The following CD4 variants were observed in gnomAD, a reference collection of about 807,000 sequenced individuals.
CD4 encodes the protein T-cell surface glycoprotein CD4.
A neutral mutation model predicts 50.5 loss-of-function variants in CD4; 25 were observed. That is an observed-to-expected ratio of 0.49 (90% CI 0.36 to 0.69). The LOEUF (loss-of-function observed/expected upper bound fraction) is 0.69, where lower values mean the gene tolerates loss of function less well. Ranked by LOEUF, CD4 falls within the 30% of genes least tolerant of loss-of-function variation. CD4 has a pLI of 0.00. For synonymous variants in CD4, 207 were observed against 221.9 expected (o/e 0.93, Z 0.60); for missense variants, 456 against 548.5 (o/e 0.83, Z 1.68).
chr12:6,813,222 T>A lies in CD4; in HGVS notation c.215-920T>A, dbSNP rs953383422. Among the ~76,000 whole-genome samples, 528 of 112,134 alleles carry A rather than the reference T, an allele frequency of 4.7e-3. 3 individuals are homozygous for A. The highest frequency in any genetic ancestry group is 0.027 in the African/African-American group (493 of 18,116). 73.6% of individuals were successfully genotyped at this position (112,134 alleles called of 152,430 possible). On this transcript the variant is annotated intron_variant, in intron 3 of 9. Transcript: ENST00000011653. The stretch of plus-strand genomic sequence containing the variant: ...CCCAAGGCGGCTAATTAAAAAAAAT[T>A]TTTTTTTTTTTTTTTTTAGAGATGG...
chr12:6,819,340 C>T lies in CD4; in HGVS notation c.*11C>T. The T allele has an allele frequency of 1.2e-6, 2 of 1,613,906 alleles. No homozygotes were observed. The highest frequency in any genetic ancestry group is 1.7e-6 in the Non-Finnish European group (2 of 1,179,804). On this transcript the variant is annotated 3_prime_UTR_variant, in exon 10 of 10. Coordinates refer to ENST00000011653, the MANE Select transcript of CD4 (RefSeq NM_000616.5). Reference sequence around the variant, plus strand: ...TGTAGCCCCATTTGAGGCACGAGGCCAGGCAGATCCCACTTGCAGCCTCCC... The same window carrying T: ...TGTAGCCCCATTTGAGGCACGAGGCTAGGCAGATCCCACTTGCAGCCTCCC...
At chr12:6,807,197 T>G (rs1555116332) in intron 3 of CD4, among the ~76,000 whole-genome samples, 1 of 148,996 alleles carries the variant, frequency 6.7e-6, no homozygotes, top group African/African-American at 2.5e-5. Flanking sequence ...ACAAAAAACA[T>G]GCAACAATCC....
rs775115629 is a variant in CD4, at chr12:6,818,615, G to A, written c.1278+73G>A. The A allele has an allele frequency of 6.3e-6, 10 of 1,589,816 alleles. No homozygotes were observed. The highest frequency in any genetic ancestry group is 7.7e-6 in the Non-Finnish European group (9 of 1,164,172). On this transcript the variant is annotated intron_variant, in intron 8 of 9. Coordinates refer to ENST00000011653, the MANE Select transcript of CD4 (RefSeq NM_000616.5). This position sits in a 1 kb window ranked among gnomAD's most constrained non-coding sequence, Gnocchi z 5.0. Reference sequence around the variant, plus strand: ...TCCTCTACCAGGAGATCCTGTATATGGGAACTGATTTTGGCCCAGCTCCCT... The same window carrying A: ...TCCTCTACCAGGAGATCCTGTATATAGGAACTGATTTTGGCCCAGCTCCCT...
chr12:6,816,071 C>T lies in CD4; in HGVS notation c.623C>T (p.Ser208Phe). The T allele has an allele frequency of 6.2e-7, 1 of 1,614,086 alleles. No individual in the cohort carries two copies. Among genetic ancestry groups the T allele is most frequent in the Non-Finnish European group, 8.5e-7 (1 of 1,180,006 alleles). The change falls in exon 6 of 10, where the codon TCC (serine) becomes TTC (phenylalanine). Residue 208 changes from serine (S) to phenylalanine (F), a missense_variant. Transcript: ENST00000011653. This position sits in a 1 kb window ranked among gnomAD's most constrained non-coding sequence, Gnocchi z 4.9. Reference sequence around the variant, plus strand: ...CCACCTCCAGCTTTCCAGAAGGCCTCCAGCATAGTCTATAAGAAAGAGGGG... The same window carrying T: ...CCACCTCCAGCTTTCCAGAAGGCCTTCAGCATAGTCTATAAGAAAGAGGGG... ...DIVVLAFQKA[S>F]SIVYKKEGEQ...
Position 6,797,643 on chromosome 12 carries a change from G to C in CD4, c.-67-2429G>C, listed in dbSNP as rs58392651. Among the ~76,000 whole-genome samples the C allele has an allele frequency of 6.5e-3, 994 of 152,232 alleles. 6 individuals are homozygous for C. Among genetic ancestry groups the C allele is most frequent in the African/African-American group, 0.022 (911 of 41,524 alleles). On this transcript the variant is annotated intron_variant, in intron 1 of 9. Coordinates refer to ENST00000011653, the MANE Select transcript of CD4 (RefSeq NM_000616.5). ...TGGGGCTATAGGGTGAAGGTGAGGA[G>C]AGGGTCAGCAGAAAAACATATGAGC...
rs200636893 is a variant in CD4, at chr12:6,819,661, T to A, written c.*332T>A. The A allele has an allele frequency of 2.0e-5, 7 of 354,850 alleles. No individual in the cohort carries two copies. The highest frequency in any genetic ancestry group is 5.2e-6 in the Non-Finnish European group (1 of 191,834). The allele number at this position is 354,850 out of a possible 1,614,324, so 22.0% of individuals were successfully genotyped here. ...GGCCAGCCCTGGCTGGCATGGAGGG[T>A]GAGGCTGGGTGTCTGGAAGCATGGA... On this transcript the variant is annotated 3_prime_UTR_variant, in exon 10 of 10. Coordinates refer to ENST00000011653, the MANE Select transcript of CD4 (RefSeq NM_000616.5).
Position 6,819,515 on chromosome 12 carries a change from C to T in CD4, c.*186C>T, listed in dbSNP as rs201200230. On this transcript the variant is annotated 3_prime_UTR_variant, in exon 10 of 10. Transcript: ENST00000011653. ...CTGGTTGAGTGTTGCTCTCTAGTTTCCAGAGGCTTAATCACACCGTCCTCC... is the reference window on the plus strand; with the variant it reads ...CTGGTTGAGTGTTGCTCTCTAGTTTTCAGAGGCTTAATCACACCGTCCTCC... The T allele has an allele frequency of 3.2e-6, 2 of 626,752 alleles. No homozygotes were observed. Among genetic ancestry groups the T allele is most frequent in the Non-Finnish European group, 2.9e-6 (1 of 350,818 alleles). The allele number at this position is 626,752 out of a possible 1,614,324, so 38.8% of individuals were successfully genotyped here. A position where few individuals can be genotyped will look rare whatever the true frequency, so the allele number is the denominator to read the frequency against.
At chr12:6,797,244 C>T (rs1321829361) in intron 1 of CD4, among the ~76,000 whole-genome samples, 3 of 152,100 alleles carry the variant, frequency 2.0e-5, no homozygotes, top group African/African-American at 7.2e-5. Context: ...GCCCTGCCCC[C>T]ACCACCCCCA....
intron 3 of CD4, among the ~76,000 whole-genome samples, chr12:6,802,698 T>C (rs1176122057): frequency 2.0e-5 from 3 of 152,198 alleles, no homozygotes; most frequent in Non-Finnish European, 2.9e-5. Flanking sequence ...TTCCTACTCC[T>C]TCCTTAAGTT....
chr12:6,817,649 C>T lies in CD4; in HGVS notation c.1156+319C>T, dbSNP rs781803637. ...CTCCTGGCTTTTCTCCAAATCCAGA[C>T]GCACTTACACACACACTCACACACA... On this transcript the variant is annotated intron_variant, in intron 7 of 9. Transcript: ENST00000011653. Among the ~76,000 whole-genome samples the T allele has an allele frequency of 1.1e-4, 16 of 152,118 alleles. 1 individual carries two copies. The highest frequency in any genetic ancestry group is 2.9e-4 in the African/African-American group (12 of 41,486).
At chr12:6,814,501 T>C in intron 4 of CD4, 1 of 647,282 alleles carries the variant, frequency 1.5e-6, no homozygotes, top group Non-Finnish European at 2.7e-6. Context: ...GAAGAGGCCT[T>C]GGGAAAAGGA....
Position 6,816,419 on chromosome 12 carries a change from A to AGGG in CD4, c.955+17_955+19dup, listed in dbSNP as rs782127808. On this transcript the variant is annotated intron_variant, in intron 6 of 9. Transcript: ENST00000011653. This position sits in a 1 kb window ranked among gnomAD's most constrained non-coding sequence, Gnocchi z 4.9. ...GTGATGAGAGGTGAGGGGCCAGGCC[A>AGGG]GGGAGGGGTGGGCAGGGGAAGGAGT... 3.0e-6 allele frequency: 4 copies of AGGG among 1,339,940 alleles called. No homozygotes were observed. The Admixed American group carries it at 7.3e-5, about 24-fold the overall frequency. 83.0% of individuals were successfully genotyped at this position (1,339,940 alleles called of 1,614,324 possible).
chr12:6,810,040 C>T (rs1942891293), intron 3 of CD4, among the ~76,000 whole-genome samples: 1 of 152,170 alleles, frequency 6.6e-6, no homozygotes, highest in African/African-American at 2.4e-5. Context: ...CAGGCGTGCA[C>T]CACCATTCCT....
chr12:6,817,181 C>T lies in CD4; in HGVS notation c.1007C>T (p.Pro336Leu). The T allele has an allele frequency of 1.2e-6, 2 of 1,614,140 alleles. No individual in the cohort carries two copies. Among genetic ancestry groups the T allele is most frequent in the South Asian group, 1.1e-5 (1 of 91,076 alleles). ...LTCEVWGPTS[P>L]KLMLSLKLEN... is the part of the protein sequence containing the mutation. The stretch of plus-strand genomic sequence containing the variant: ...TGTGAGGTGTGGGGACCCACCTCCC[C>T]TAAGCTGATGCTGAGTTTGAAACTG... Residue 336 changes from proline to leucine, a missense_variant, in exon 7 of 10, where the codon CCT becomes CTT. Physicochemically the swap from Pro to Leu is moderately conservative, Grantham distance 98 (BLOSUM62 -3). Transcript: ENST00000011653.
At chr12:6,791,043 C>A (rs1942141892) in intron 1 of CD4, among the ~76,000 whole-genome samples, 1 of 152,214 alleles carries the variant, frequency 6.6e-6, no homozygotes, top group Non-Finnish European at 1.5e-5. Context: ...CCCCTGAGGA[C>A]AGCGTTAGAG....
chr12:6,806,299 A>T (rs1475002016), intron 3 of CD4, among the ~76,000 whole-genome samples: 4 of 151,708 alleles, frequency 2.6e-5, no homozygotes, highest in African/African-American at 7.3e-5. Context: ...TTTAAAATTT[A>T]TTTTTATTTA....
chr12:6,802,370 T>C (rs1370153100), intron 3 of CD4, among the ~76,000 whole-genome samples: 8 of 151,914 alleles, frequency 5.3e-5, no homozygotes, highest in Non-Finnish European at 1.2e-4. Context: ...CTGCCCAGGC[T>C]GGAGTACAGT....
intron 4 of CD4, 190 bp downstream of exon 4, chr12:6,814,490 G>A (rs1303901547): frequency 4.5e-6 from 3 of 661,268 alleles, no homozygotes; most frequent in Non-Finnish European, 7.7e-6. Context: ...GGCGGAGGAG[G>A]GAAGAGGCCT....
At chr12:6,815,059 C>A in intron 5 of CD4, 67 bp downstream of exon 5, 2 of 1,062,290 alleles carry the variant, frequency 1.9e-6, no homozygotes, top group Non-Finnish European at 2.8e-6. Flanking sequence ...TCCCTCTGCT[C>A]TGACTGCCCT....
Sources: allele counts gnomAD v4.1 joint callset (sites outside exome capture counted in the v4.1 genomes callset), GRCh38; gene constraint gnomAD v4.1.1; non-coding constraint Gnocchi (gnomAD v3.1); transcripts MANE v1.5; gene names NCBI Gene and HGNC (gene_info 2026-07-23, HGNC 2026-07-21).